The following RNF111 variants were observed in gnomAD, a reference collection of about 807,000 sequenced individuals.
The protein encoded by RNF111 is E3 ubiquitin-protein ligase Arkadia.
A neutral mutation model predicts 95.1 loss-of-function variants in RNF111; 17 were observed. The ratio of observed to expected loss-of-function variants is 0.18; its 90% CI spans 0.12 to 0.27. The LOEUF (loss-of-function observed/expected upper bound fraction) is 0.27, where lower values mean the gene tolerates loss of function less well. RNF111 is among the 10% of genes least tolerant of loss of function. RNF111 has a pLI of 1.00. For missense variants in RNF111, 1,189 were observed against 1,210.4 expected (o/e 0.98, Z 0.26); for synonymous variants, 440 against 414.8 (o/e 1.06, Z -0.74).
chr15:59,090,546 T>A (rs1286905271), intron 11 of RNF111, among the ~76,000 whole-genome samples: 2 of 152,208 alleles, frequency 1.3e-5, no homozygotes, highest in Non-Finnish European at 2.9e-5. Flanking sequence ...GTGTTTTTTT[T>A]ATGTCAGTTT....
At chr15:59,011,471 C>T (rs1468117217) in intron 1 of RNF111, among the ~76,000 whole-genome samples, 5 of 152,120 alleles carry the variant, frequency 3.3e-5, no homozygotes, top group Admixed American at 3.3e-4. Flanking sequence ...GCTTGGGCTG[C>T]GGTAATGAAA....
At position 59,058,537 on chromosome 15, in the gene RNF111, C is replaced by G; in HGVS notation, c.1353C>G (p.Gly451=). Residue 451 remains glycine, a synonymous_variant, in exon 5 of 14, where the codon GGC becomes GGG. Transcript: ENST00000348370. ...SATLTSNSTT[G]TSIGDDSRRT... is the part of the protein sequence containing the mutation. ...CTCTTACAAGCAATAGTACCACTGG[C>G]ACTTCTATAGGAGGTATGTAAAAAA... The G allele has an allele frequency of 6.2e-7, 1 of 1,613,876 alleles. No homozygotes were observed. The highest frequency in any genetic ancestry group is 1.1e-5 in the South Asian group (1 of 91,076).
chr15:59,026,605 AT>A (rs529804423), intron 1 of RNF111, among the ~76,000 whole-genome samples: 2 of 152,152 alleles, frequency 1.3e-5, no homozygotes, highest in South Asian at 2.1e-4. Flanking sequence ...AATTTAGAAT[AT>A]TATCTGTTAT....
chr15:59,084,538 A>AATAC (rs2078841545), intron 9 of RNF111, among the ~76,000 whole-genome samples: 2 of 152,214 alleles, frequency 1.3e-5, no homozygotes, highest in Non-Finnish European at 1.5e-5. Context: ...ATAGTATTTC[A>AATAC]ATACATACAT....
At chr15:59,047,776 A>T (rs996727142) in intron 2 of RNF111, among the ~76,000 whole-genome samples, 1 of 151,810 alleles carries the variant, frequency 6.6e-6, no homozygotes, top group Admixed American at 6.6e-5. Flanking sequence ...GTTTTTCGCC[A>T]TGTTGCCCAG....
chr15:59,036,233 T>C (rs186466915), intron 2 of RNF111, among the ~76,000 whole-genome samples: 1 of 152,180 alleles, frequency 6.6e-6, no homozygotes, highest in African/African-American at 2.4e-5. Context: ...AATCTTTATA[T>C]TTTTATTAGA....
intron 1 of RNF111, among the ~76,000 whole-genome samples, chr15:59,016,295 G>A (rs978419311): frequency 1.3e-5 from 2 of 151,722 alleles, no homozygotes; most frequent in East Asian, 1.9e-4. Context: ...TCAGCCACTC[G>A]AGTAGCTGGG....
At chr15:59,085,617 G>A in intron 9 of RNF111, 42 bp from the exon 10 acceptor site, 1 of 1,542,872 alleles carries the variant, frequency 6.5e-7, no homozygotes, top group Non-Finnish European at 8.7e-7. Flanking sequence ...TGATAAAAAA[G>A]AGACCCTAAG....
At chr15:59,035,353 C>T (rs184814244) in intron 2 of RNF111, among the ~76,000 whole-genome samples, 21 of 152,168 alleles carry the variant, frequency 1.4e-4, no homozygotes, top group Non-Finnish European at 2.9e-4. Flanking sequence ...AGTCTTAACT[C>T]ATTTCAGTAT....
rs187258596 is a variant in RNF111, at chr15:59,058,243, T to G, written c.1172-113T>G. 1.3e-4 allele frequency: 108 copies of G among 820,308 alleles called. No homozygotes were observed. The Middle Eastern group carries it at 1.5e-3, about 11-fold the overall frequency. 50.8% of individuals were successfully genotyped at this position (820,308 alleles called of 1,614,324 possible). A position where few individuals can be genotyped will look rare whatever the true frequency, so the allele number is the denominator to read the frequency against. On this transcript the variant is annotated intron_variant, in intron 4 of 13. Transcript: ENST00000348370. The stretch of plus-strand genomic sequence containing the variant: ...CTTTACCAAATGTTATTAGAGAGCT[T>G]GTATTTTTAAAGTTTTTTTATTTAT...
At chr15:59,037,766 G>A (rs1374205789) in intron 2 of RNF111, among the ~76,000 whole-genome samples, 1 of 152,160 alleles carries the variant, frequency 6.6e-6, no homozygotes, top group Non-Finnish European at 1.5e-5. Context: ...AACCTGGGAA[G>A]CAGAGGTTGC....
intron 4 of RNF111, among the ~76,000 whole-genome samples, chr15:59,057,456 C>T (rs2042244429): frequency 6.6e-6 from 1 of 152,186 alleles, no homozygotes; most frequent in Non-Finnish European, 1.5e-5. Flanking sequence ...AAAGTCAACC[C>T]TCTCATTCCA....
At chr15:58,998,734 T>C (rs1419439774) in intron 1 of RNF111, among the ~76,000 whole-genome samples, 1 of 152,188 alleles carries the variant, frequency 6.6e-6, no homozygotes, top group Non-Finnish European at 1.5e-5. Flanking sequence ...AAGCAAAAAT[T>C]AGAATTGTGG....
chr15:59,034,284 A>G (rs931419027), intron 2 of RNF111, among the ~76,000 whole-genome samples: 5 of 152,126 alleles, frequency 3.3e-5, no homozygotes, highest in African/African-American at 7.3e-5. Context: ...TTATACACCT[A>G]TGTAAGTGTA....
At chr15:59,044,099 C>T (rs1050415488) in intron 2 of RNF111, among the ~76,000 whole-genome samples, 3 of 152,110 alleles carry the variant, frequency 2.0e-5, no homozygotes, top group South Asian at 2.1e-4. Flanking sequence ...GGCGCAATCT[C>T]GGCTCACTGC....
intron 2 of RNF111, among the ~76,000 whole-genome samples, chr15:59,035,371 A>G (rs1398787879): frequency 3.9e-5 from 6 of 152,148 alleles, no homozygotes; most frequent in African/African-American, 1.4e-4. Flanking sequence ...TATTTACTCA[A>G]AAGTCCACAG....
chr15:59,067,339 C>G (rs1474555465), intron 6 of RNF111, among the ~76,000 whole-genome samples: 1 of 150,976 alleles, frequency 6.6e-6, no homozygotes, highest in African/African-American at 2.4e-5. Context: ...CATTCCTTCC[C>G]TCTCCTTTCT....
rs1396996174 is a variant in RNF111, at chr15:59,096,808, GAA to G, written c.*1909_*1910del. On this transcript the variant is annotated 3_prime_UTR_variant, in exon 14 of 14. Coordinates refer to ENST00000348370, the MANE Select transcript of RNF111 (RefSeq NM_017610.8). Reference sequence around the variant, plus strand: ...TAATGGATGTACTACTTTGCCACTGGAATACCCCGGGTCTGTGCCAAGGGACT... The same window carrying G: ...TAATGGATGTACTACTTTGCCACTGGTACCCCGGGTCTGTGCCAAGGGACT... 1.3e-5 allele frequency: 2 copies of G among 152,186 alleles called. No homozygotes were observed. The highest frequency in any genetic ancestry group is 2.9e-5 in the Non-Finnish European group (2 of 68,038). 9.4% of individuals were successfully genotyped at this position (152,186 alleles called of 1,614,324 possible).
At chr15:59,017,993 A>C (rs1164613315) in intron 1 of RNF111, among the ~76,000 whole-genome samples, 1 of 152,010 alleles carries the variant, frequency 6.6e-6, no homozygotes. Flanking sequence ...TCCTGACCTC[A>C]GGTGACCCAC....
Sources: allele counts gnomAD v4.1 joint callset (sites outside exome capture counted in the v4.1 genomes callset), GRCh38; gene constraint gnomAD v4.1.1; transcripts MANE v1.5; gene names NCBI Gene and HGNC (gene_info 2026-07-23, HGNC 2026-07-21).